APOLD1: variants seen among roughly 807,000 people sequenced by gnomAD.
The protein encoded by APOLD1 is apolipoprotein L domain-containing protein 1.
Under a neutral mutation model 15.3 loss-of-function variants are expected in APOLD1, and 22 were observed. The ratio of observed to expected loss-of-function variants is 1.44; its 90% CI spans 1.03 to 2.05. The LOEUF is 2.05. APOLD1 is among the 30% of genes most tolerant of loss of function. The pLI, the probability that APOLD1 is intolerant of heterozygous loss-of-function variation, is 0.00. For missense variants in APOLD1, 394 were observed against 353.5 expected, an observed-to-expected ratio of 1.11 and a Z score of -0.92; for synonymous variants, 190 against 167.4, an observed-to-expected ratio of 1.13 and a Z score of -1.04.
chr12:12,765,338 T>G (rs906630488), intron 1 of APOLD1, among the ~76,000 whole-genome samples: 2 of 152,156 alleles, frequency 1.3e-5, no homozygotes, highest in African/African-American at 4.8e-5. Flanking sequence ...CAGTCTCATA[T>G]CACCACACCC....
chr12:12,739,849 C>T (rs1946718604), intron 1 of APOLD1, among the ~76,000 whole-genome samples: 2 of 145,504 alleles, frequency 1.4e-5, no homozygotes. Flanking sequence ...CAGAGTCTCA[C>T]TCTGTCACCT....
chr12:12,782,286 C>CAAAG (rs1447307921), upstream of APOLD1, among the ~76,000 whole-genome samples: 8 of 137,258 alleles, frequency 5.8e-5, 2 homozygotes, highest in African/African-American at 1.4e-4. Context: ...AACAAACAAA[C>CAAAG]AAACAAACAC....
At chr12:12,776,036 C>CAA (rs907323350) in intron 1 of APOLD1, among the ~76,000 whole-genome samples, 1 of 114,648 alleles carries the variant, frequency 8.7e-6, no homozygotes, top group African/African-American at 3.1e-5. Context: ...ACACAACAAA[C>CAA]AAACAAAACT....
At chr12:12,765,805 G>A (rs1431452693) in intron 1 of APOLD1, among the ~76,000 whole-genome samples, 1 of 152,206 alleles carries the variant, frequency 6.6e-6, no homozygotes, top group African/African-American at 2.4e-5. Flanking sequence ...GGTAGGTTGA[G>A]GCTGCAGTGA....
chr12:12,747,735 G>A (rs1301515040), intron 1 of APOLD1, among the ~76,000 whole-genome samples: 2 of 152,114 alleles, frequency 1.3e-5, no homozygotes, highest in Non-Finnish European at 2.9e-5. Flanking sequence ...GGCCCTTCTT[G>A]CAACATTTGG....
At position 12,787,075 on chromosome 12, in the gene APOLD1, T is replaced by A. The variant is rs531272066; in HGVS notation, c.170T>A (p.Val57Glu). ...RLRRRSLVAN[V>E]AGSSLSATGA... ...CGCAGGCGCTCCCTCGTAGCCAACG[T>A]GGCCGGCAGCTCGCTGAGCGCAACG... is the stretch of plus-strand genomic sequence containing the variant. The change falls in exon 2 of 2, where the codon GTG becomes GAG. Residue 57 changes from valine (V) to glutamate (E), a missense_variant. Physicochemically the swap from Val to Glu is moderately radical, Grantham distance 121 (BLOSUM62 -2). Transcript: ENST00000356591. The surrounding 1 kb of genome is among the most constrained non-coding windows in gnomAD (Gnocchi z 4.9). The A allele has an allele frequency of 2.2e-6, 3 of 1,391,996 alleles. No homozygotes were observed. Among genetic ancestry groups the A allele is most frequent in the Non-Finnish European group, 2.8e-6 (3 of 1,083,318 alleles). 86.2% of individuals were successfully genotyped at this position (1,391,996 alleles called of 1,614,324 possible). A position where few individuals can be genotyped will look rare whatever the true frequency, so the allele number is the denominator to read the frequency against.
rs1394028180 is a variant in APOLD1 at position 12,786,901 on chromosome 12, C to A, written c.4-8C>A. On this transcript the variant is annotated splice_polypyrimidine_tract_variant and splice_region_variant and intron_variant, in intron 1 of 1. Transcript: ENST00000356591. Reference sequence around the variant, plus strand: ...CTCCAGGCTGACCGCGTGTCTATGTCCCCGCAGGGAATGGAGAGGCCGGCG... The same window carrying A: ...CTCCAGGCTGACCGCGTGTCTATGTACCCGCAGGGAATGGAGAGGCCGGCG... 2.1e-6 allele frequency: 3 copies of A among 1,424,156 alleles called. No individual in the cohort carries two copies. Among genetic ancestry groups the A allele is most frequent in the East Asian group, 3.0e-5 (1 of 33,308 alleles). The allele number at this position is 1,424,156 out of a possible 1,614,324, so 88.2% of individuals were successfully genotyped here.
rs934787635 is a variant in APOLD1, at chr12:12,791,238, A to G, written c.*3586A>G. 3.9e-5 allele frequency: 6 copies of G among 152,218 alleles called. No homozygotes were observed. Among genetic ancestry groups the G allele is most frequent in the Non-Finnish European group, 8.8e-5 (6 of 68,046 alleles). 9.4% of individuals were successfully genotyped at this position (152,218 alleles called of 1,614,324 possible). A position where few individuals can be genotyped will look rare whatever the true frequency, so the allele number is the denominator to read the frequency against. ...GTCAAAAGTATTTACTGGGAGAAAAAAGAGAGGAGTGGTTGTAGAAGTCTC... is the reference window on the plus strand; with the variant it reads ...GTCAAAAGTATTTACTGGGAGAAAAGAGAGAGGAGTGGTTGTAGAAGTCTC... On this transcript the variant is annotated 3_prime_UTR_variant, in exon 2 of 2. Transcript: ENST00000356591.
chr12:12,775,432 T>C (rs1947023365), intron 1 of APOLD1, among the ~76,000 whole-genome samples: 1 of 152,138 alleles, frequency 6.6e-6, no homozygotes, highest in Non-Finnish European at 1.5e-5. Context: ...GGAACCCTAA[T>C]GTAAACTGCA....
At chr12:12,772,868 C>T (rs1946999720) in intron 1 of APOLD1, among the ~76,000 whole-genome samples, 1 of 152,060 alleles carries the variant, frequency 6.6e-6, no homozygotes, top group African/African-American at 2.4e-5. Context: ...GGAGATTGAA[C>T]AATACAATTT....
intron 1 of APOLD1, among the ~76,000 whole-genome samples, chr12:12,747,216 A>G (rs977506415): frequency 1.3e-5 from 2 of 152,282 alleles, no homozygotes; most frequent in Admixed American, 6.5e-5. Context: ...GACTCAAGCA[A>G]TCCTCCCACA....
In APOLD1 at chr12:12,788,954, G is replaced by A. The variant is rs1344092899; in HGVS notation, c.*1302G>A. On this transcript the variant is annotated 3_prime_UTR_variant, in exon 2 of 2. Coordinates refer to ENST00000356591, the MANE Select transcript of APOLD1 (RefSeq NM_030817.3). Reference sequence around the variant, plus strand: ...GGCAGTGTCTCACCGTATGAACAAGGGATGTAACACTAAAAGCCCATTAGG... The same window carrying A: ...GGCAGTGTCTCACCGTATGAACAAGAGATGTAACACTAAAAGCCCATTAGG... 6.6e-6 allele frequency: 1 copy of A among 152,100 alleles called. No homozygotes were observed. Among genetic ancestry groups the A allele is most frequent in the Non-Finnish European group, 1.5e-5 (1 of 68,032 alleles). 9.4% of individuals were successfully genotyped at this position (152,100 alleles called of 1,614,324 possible). A position where few individuals can be genotyped will look rare whatever the true frequency, so the allele number is the denominator to read the frequency against.
intron 1 of APOLD1, among the ~76,000 whole-genome samples, chr12:12,729,386 T>C (rs1254504537): frequency 1.3e-5 from 2 of 152,174 alleles, no homozygotes; most frequent in Non-Finnish European, 2.9e-5. Flanking sequence ...GGAAAGACTT[T>C]CTGAGTACGA....
At chr12:12,746,147 G>A (rs192623429) in intron 1 of APOLD1, among the ~76,000 whole-genome samples, 2 of 152,234 alleles carry the variant, frequency 1.3e-5, no homozygotes, top group East Asian at 1.9e-4. Flanking sequence ...AGGGTGGTGG[G>A]AATCCAAGAA....
At chr12:12,753,055 T>C (rs76738643) in intron 1 of APOLD1, among the ~76,000 whole-genome samples, 7,816 of 152,188 alleles carry the variant, frequency 0.051, 342 homozygotes, top group African/African-American at 0.12. Context: ...CACCAAGGTA[T>C]GACCAGTGCT....
chr12:12,784,794 C>T (rs562316279), upstream of APOLD1, among the ~76,000 whole-genome samples: 1 of 152,298 alleles, frequency 6.6e-6, no homozygotes, highest in South Asian at 2.1e-4. Flanking sequence ...TCCATCTGGT[C>T]TGGTCTGCAG....
chr12:12,736,430 G>A (rs1946686943), intron 1 of APOLD1, among the ~76,000 whole-genome samples: 1 of 151,906 alleles, frequency 6.6e-6, no homozygotes, highest in Non-Finnish European at 1.5e-5. Context: ...GGGAGGCTGA[G>A]GTGGGAGAAT....
At chr12:12,741,327 C>T (rs1354116559) in intron 1 of APOLD1, among the ~76,000 whole-genome samples, 1 of 152,242 alleles carries the variant, frequency 6.6e-6, no homozygotes, top group South Asian at 2.1e-4. Context: ...CCATTTCAGC[C>T]TCCTGAGTAG....
intron 1 of APOLD1, among the ~76,000 whole-genome samples, chr12:12,745,206 A>G (rs1479264352): frequency 6.6e-6 from 1 of 152,180 alleles, no homozygotes; most frequent in Non-Finnish European, 1.5e-5. Flanking sequence ...GCTCTACCCA[A>G]CACAAAATGA....
Sources: allele counts gnomAD v4.1 joint callset (sites outside exome capture counted in the v4.1 genomes callset), GRCh38; gene constraint gnomAD v4.1.1; non-coding constraint Gnocchi (gnomAD v3.1); transcripts MANE v1.5; gene names NCBI Gene and HGNC (gene_info 2026-07-23, HGNC 2026-07-21).